CNTN5: variants seen among roughly 807,000 people sequenced by gnomAD.
CNTN5 encodes the protein contactin-5.
CNTN5 carries 77 observed loss-of-function variants against 129.1 expected under a neutral mutation model. The observed-to-expected ratio is 0.60, with a 90% CI of 0.50 to 0.72. The LOEUF (loss-of-function observed/expected upper bound fraction) is 0.72. Ranked by LOEUF, CNTN5 falls within the 30% of genes least tolerant of loss-of-function variation. CNTN5 has a pLI of 0.00. For synonymous variants in CNTN5, 509 were observed against 465.6 expected, an observed-to-expected ratio of 1.09 and a Z score of -1.20; for missense variants, 1,478 against 1,328.8, an observed-to-expected ratio of 1.11 and a Z score of -1.75.
intron 21 of CNTN5, among the ~76,000 whole-genome samples, chr11:100,334,765 T>C (rs527716772): frequency 5.3e-5 from 8 of 152,080 alleles, no homozygotes; most frequent in Non-Finnish European, 7.4e-5. Flanking sequence ...TGTTAGACTT[T>C]GGGGATTCAG....
intron 3 of CNTN5, among the ~76,000 whole-genome samples, chr11:99,799,505 C>T (rs573493276): frequency 6.6e-5 from 10 of 151,960 alleles, no homozygotes; most frequent in African/African-American, 2.4e-4. Flanking sequence ...TTGAGATCAT[C>T]ATGTCGTTTT....
At chr11:100,087,763 C>T (rs1287138805) in intron 13 of CNTN5, among the ~76,000 whole-genome samples, 1 of 151,792 alleles carries the variant, frequency 6.6e-6, no homozygotes, top group East Asian at 1.9e-4. Flanking sequence ...TTAACTTGAC[C>T]AACTGGACTT....
At chr11:99,574,555 G>A (rs772927670) in intron 3 of CNTN5, among the ~76,000 whole-genome samples, 2 of 152,078 alleles carry the variant, frequency 1.3e-5, no homozygotes, top group Non-Finnish European at 1.5e-5. Context: ...TTTCTCCACA[G>A]CCTCTCCAGC....
chr11:100,356,154 T>A lies in CNTN5; in HGVS notation c.3237T>A (p.Ser1079=), dbSNP rs1402211937. The A allele has an allele frequency of 6.2e-7, 1 of 1,610,668 alleles. No individual in the cohort carries two copies. Among genetic ancestry groups the A allele is most frequent in the Admixed American group, 1.7e-5 (1 of 59,616 alleles). Residue 1079 remains serine (S), a synonymous_variant, in exon 25 of 25, where the codon TCT becomes TCA. Transcript: ENST00000524871. ...CAAGTGCACAGTCGACCCTTCACTC[T>A]CTCTCCACATCTTCGTCATCAGTCA... ...KITSAQSTLH[S]LSTSSSSVTL...
At chr11:100,300,923 C>T (rs1392019768) in intron 20 of CNTN5, among the ~76,000 whole-genome samples, 1 of 151,574 alleles carries the variant, frequency 6.6e-6, no homozygotes, top group African/African-American at 2.4e-5. Flanking sequence ...ATCTACATTT[C>T]AGGAAACTGA....
chr11:99,397,509 T>TTATC (rs200172750), intron 2 of CNTN5, among the ~76,000 whole-genome samples: 1 of 151,774 alleles, frequency 6.6e-6, no homozygotes, highest in Non-Finnish European at 1.5e-5. Context: ...CCTCCATTTA[T>TTATC]TATCTATCTA....
intron 1 of CNTN5, among the ~76,000 whole-genome samples, chr11:99,257,708 T>C (rs1862440352): frequency 6.6e-6 from 1 of 152,104 alleles, no homozygotes; most frequent in African/African-American, 2.4e-5. Flanking sequence ...TGTCTTCTAA[T>C]GTGTATGTCT....
At chr11:99,233,700 C>A (rs2135736122) in intron 1 of CNTN5, among the ~76,000 whole-genome samples, 1 of 152,260 alleles carries the variant, frequency 6.6e-6, no homozygotes, top group East Asian at 1.9e-4. Context: ...GTAATCCCAG[C>A]ACTTTGGGAG....
At chr11:99,666,110 G>A (rs573211602) in intron 3 of CNTN5, among the ~76,000 whole-genome samples, 14 of 152,074 alleles carry the variant, frequency 9.2e-5, no homozygotes, top group Middle Eastern at 3.4e-3. Context: ...TAGAATTATA[G>A]GTATGTGTCA....
chr11:99,198,255 CAT>C (rs1179032087), intron 1 of CNTN5, among the ~76,000 whole-genome samples: 1 of 152,062 alleles, frequency 6.6e-6, no homozygotes, highest in Admixed American at 6.5e-5. Flanking sequence ...AAACAACTGT[CAT>C]ATGGGAAGCT....
intron 2 of CNTN5, among the ~76,000 whole-genome samples, chr11:99,480,404 T>C (rs1457046304): frequency 6.6e-6 from 1 of 152,134 alleles, no homozygotes; most frequent in Non-Finnish European, 1.5e-5. Context: ...GGATATTTGA[T>C]CTCTGGGGAC....
intron 2 of CNTN5, among the ~76,000 whole-genome samples, chr11:99,356,519 C>T (rs1488666905): frequency 6.6e-6 from 1 of 152,180 alleles, no homozygotes; most frequent in Non-Finnish European, 1.5e-5. Flanking sequence ...TAACCCTCCT[C>T]AACATCATCA....
At chr11:99,658,832 G>A (rs1952484999) in intron 3 of CNTN5, among the ~76,000 whole-genome samples, 1 of 149,682 alleles carries the variant, frequency 6.7e-6, no homozygotes, top group South Asian at 2.1e-4. Context: ...AGGATGCAGT[G>A]GGCCAAGATG....
chr11:99,105,207 G>C (rs1481539600), intron 1 of CNTN5, among the ~76,000 whole-genome samples: 2 of 152,144 alleles, frequency 1.3e-5, no homozygotes, highest in East Asian at 3.9e-4. Context: ...CGTGGGATTT[G>C]TGTAGATAAC....
At chr11:99,258,841 T>C (rs1862499157) in intron 1 of CNTN5, among the ~76,000 whole-genome samples, 1 of 151,900 alleles carries the variant, frequency 6.6e-6, no homozygotes, top group Admixed American at 6.6e-5. Context: ...GGACAGACAC[T>C]AAGATATAAA....
chr11:99,591,829 A>C (rs1406602414), intron 3 of CNTN5, among the ~76,000 whole-genome samples: 3 of 152,168 alleles, frequency 2.0e-5, no homozygotes, highest in Non-Finnish European at 4.4e-5. Flanking sequence ...TTTGCAGGAA[A>C]ATGCCCAAAA....
At chr11:99,549,233 T>G (rs1462435526) in intron 2 of CNTN5, among the ~76,000 whole-genome samples, 1 of 152,162 alleles carries the variant, frequency 6.6e-6, no homozygotes, top group Non-Finnish European at 1.5e-5. Flanking sequence ...GACTCTTGAC[T>G]GAATTTTTGA....
In CNTN5 at chr11:99,275,624, G is replaced by C. The variant is rs1181223051; in HGVS notation, c.-209-49722G>C. Among the ~76,000 whole-genome samples, 3 of 151,684 alleles carry C rather than the reference G, an allele frequency of 2.0e-5. 1 individual carries two copies. Among genetic ancestry groups the C allele is most frequent in the Non-Finnish European group, 1.5e-5 (1 of 67,752 alleles). On this transcript the variant is annotated intron_variant, in intron 1 of 24. Transcript: ENST00000524871. ...AATCTGTGAGCAGTTTTGTGAGTAGGGTGTATATATTTGCTCGTCTTGGCA... is the reference window on the plus strand; with the variant it reads ...AATCTGTGAGCAGTTTTGTGAGTAGCGTGTATATATTTGCTCGTCTTGGCA...
intron 3 of CNTN5, among the ~76,000 whole-genome samples, chr11:99,613,030 C>A (rs1475875860): frequency 6.6e-6 from 1 of 152,090 alleles, no homozygotes; most frequent in Non-Finnish European, 1.5e-5. Flanking sequence ...AGTTTGGAAG[C>A]CAAATGGCAA....
Sources: gnomAD v4.1 joint callset for allele counts (sites outside exome capture counted in the v4.1 genomes callset) on GRCh38, gnomAD v4.1.1 for gene constraint, MANE v1.5 for transcripts, NCBI Gene and HGNC (gene_info 2026-07-23, HGNC 2026-07-21) for gene names.